The following XKR4 variants were observed in gnomAD, a reference collection of about 807,000 sequenced individuals.
XKR4 encodes the protein XK related 4, also known as XK-related protein 4.
XKR4 carries 12 observed loss-of-function variants against 53.9 expected under a neutral mutation model. That is an observed-to-expected ratio of 0.22 (90% CI 0.14 to 0.36). The LOEUF (loss-of-function observed/expected upper bound fraction) is 0.36. Among genes scored for constraint, XKR4 ranks in the 10% least tolerant of loss-of-function variants. The pLI is 1.00. For synonymous variants in XKR4, 354 were observed against 362.4 expected (o/e 0.98, Z 0.26); for missense variants, 799 against 859.5 (o/e 0.93, Z 0.88).
chr8:55,473,422 T>C (rs1805919368), intron 2 of XKR4, among the ~76,000 whole-genome samples: 2 of 152,140 alleles, frequency 1.3e-5, no homozygotes, highest in Admixed American at 6.5e-5. Flanking sequence ...GGATTTCAGG[T>C]ACAGGGCATC....
At chr8:55,464,666 TA>T (rs1805726956) in intron 2 of XKR4, among the ~76,000 whole-genome samples, 1 of 152,056 alleles carries the variant, frequency 6.6e-6, no homozygotes, top group African/African-American at 2.4e-5. Flanking sequence ...AAATAAAGGG[TA>T]TTCAATTAGG....
At chr8:55,469,706 A>T (rs1024021623) in intron 2 of XKR4, among the ~76,000 whole-genome samples, 8 of 152,068 alleles carry the variant, frequency 5.3e-5, no homozygotes, top group Non-Finnish European at 8.8e-5. Flanking sequence ...GAATCTTGGG[A>T]GGCTCTATTC....
intron 1 of XKR4, among the ~76,000 whole-genome samples, chr8:55,118,913 C>T (rs1027551936): frequency 1.3e-5 from 2 of 151,976 alleles, no homozygotes; most frequent in East Asian, 1.9e-4. Context: ...ATTTTTGATA[C>T]TAATATGCTG....
chr8:55,505,056 C>T (rs1012715510), intron 2 of XKR4, among the ~76,000 whole-genome samples: 1 of 151,650 alleles, frequency 6.6e-6, no homozygotes, highest in African/African-American at 2.4e-5. Context: ...TTTATTTCTG[C>T]TCTAATTATT....
rs1487518092 is a variant in XKR4, at chr8:55,535,245, C to A, written c.*11018C>A. On this transcript the variant is annotated 3_prime_UTR_variant, in exon 3 of 3. Transcript: ENST00000327381. ...TTTTTTTAATTTTATTATTATTATA[C>A]TTTAAGTTTTAGGGTACATGTGCAC... 3 of 149,958 alleles carry A rather than the reference C, an allele frequency of 2.0e-5. No homozygotes were observed. Among genetic ancestry groups the A allele is most frequent in the East Asian group, 3.9e-4 (2 of 5,120 alleles). 9.3% of individuals were successfully genotyped at this position (149,958 alleles called of 1,614,324 possible).
chr8:55,491,774 G>T (rs953395328), intron 2 of XKR4, among the ~76,000 whole-genome samples: 6 of 152,128 alleles, frequency 3.9e-5, no homozygotes, highest in Admixed American at 6.5e-5. Flanking sequence ...AGGATTACGG[G>T]CACACACCAC....
intron 1 of XKR4, among the ~76,000 whole-genome samples, chr8:55,218,124 A>G (rs1354932701): frequency 3.3e-5 from 5 of 152,234 alleles, no homozygotes; most frequent in African/African-American, 1.2e-4. Context: ...AAGAACCAGT[A>G]AGCTACATAT....
chr8:55,218,390 T>C (rs751835829), intron 1 of XKR4, among the ~76,000 whole-genome samples: 2 of 152,246 alleles, frequency 1.3e-5, no homozygotes, highest in Non-Finnish European at 2.9e-5. Context: ...AAACATAGTA[T>C]GAGGCTAAAT....
intron 2 of XKR4, among the ~76,000 whole-genome samples, chr8:55,418,500 C>T (rs886524099): frequency 6.6e-6 from 1 of 152,208 alleles, no homozygotes; most frequent in Middle Eastern, 3.2e-3. Flanking sequence ...GTCTCACCCC[C>T]TCCGCTGCCC....
At chr8:55,331,402 G>A (rs916603923) in intron 1 of XKR4, among the ~76,000 whole-genome samples, 3 of 152,126 alleles carry the variant, frequency 2.0e-5, no homozygotes, top group African/African-American at 7.2e-5. Context: ...TATCTCATGT[G>A]CATTTGAAAA....
rs534245907 is a variant in XKR4 at position 55,511,260 on chromosome 8, C to T, written c.1007-12021C>T. 2.0e-5 allele frequency among the ~76,000 whole-genome samples: 3 copies of T among 152,236 alleles called. No homozygotes were observed. In the South Asian group the frequency reaches 6.2e-4, roughly 32 times the overall value. On this transcript the variant is annotated intron_variant, in intron 2 of 2. Coordinates refer to ENST00000327381, the MANE Select transcript of XKR4 (RefSeq NM_052898.2). ...AAGGAACCAATTCTATATTCAAGAT[C>T]CTTAGAGAAAGCTACTGTGTGTAAA...
chr8:55,257,447 T>G (rs1818452871), intron 1 of XKR4, among the ~76,000 whole-genome samples: 3 of 141,918 alleles, frequency 2.1e-5, no homozygotes, highest in African/African-American at 5.2e-5. Context: ...GGGGAGAAAA[T>G]GAGAGAGAGA....
intron 1 of XKR4, among the ~76,000 whole-genome samples, chr8:55,339,133 A>G (rs899519923): frequency 2.0e-5 from 3 of 152,206 alleles, no homozygotes; most frequent in African/African-American, 7.2e-5. Context: ...AGTAACTGAC[A>G]AATTTTCCTG....
intron 1 of XKR4, among the ~76,000 whole-genome samples, chr8:55,124,922 G>A (rs1386624125): frequency 2.0e-5 from 3 of 152,154 alleles, no homozygotes; most frequent in African/African-American, 4.8e-5. Flanking sequence ...TTATTCAAAG[G>A]TGATTAGTCT....
intron 1 of XKR4, among the ~76,000 whole-genome samples, chr8:55,273,508 C>T (rs923419197): frequency 6.6e-6 from 1 of 152,162 alleles, no homozygotes; most frequent in African/African-American, 2.4e-5. Context: ...AGTCATGTAG[C>T]TTGAGTGTAC....
At chr8:55,522,968 C>G (rs895915813) in intron 2 of XKR4, among the ~76,000 whole-genome samples, 12 of 151,964 alleles carry the variant, frequency 7.9e-5, no homozygotes, top group African/African-American at 2.9e-4. Context: ...TGGTGAAACC[C>G]CGTCTCTACT....
chr8:55,352,969 G>A (rs761807965), intron 1 of XKR4, among the ~76,000 whole-genome samples: 13 of 152,176 alleles, frequency 8.5e-5, no homozygotes, highest in Non-Finnish European at 8.8e-5. Context: ...TATAGCAAAT[G>A]GGACAAATTT....
At chr8:55,323,401 T>C (rs1284960361) in intron 1 of XKR4, among the ~76,000 whole-genome samples, 1 of 152,214 alleles carries the variant, frequency 6.6e-6, no homozygotes, top group Non-Finnish European at 1.5e-5. Context: ...TTTTTCTCTC[T>C]ATAGTTTCAC....
chr8:55,349,806 T>C (rs1219998805), intron 1 of XKR4, among the ~76,000 whole-genome samples: 3 of 152,208 alleles, frequency 2.0e-5, no homozygotes, highest in Non-Finnish European at 4.4e-5. Context: ...TCACTACCAA[T>C]TAGTACAGTC....
Sources: gnomAD v4.1 joint callset for allele counts (sites outside exome capture counted in the v4.1 genomes callset) on GRCh38, gnomAD v4.1.1 for gene constraint, MANE v1.5 for transcripts, NCBI Gene and HGNC (gene_info 2026-07-23, HGNC 2026-07-21) for gene names.